GDF1: variants seen among roughly 807,000 people sequenced by gnomAD.
GDF1 encodes growth differentiation factor 1, also known as embryonic growth/differentiation factor 1.
Under a neutral mutation model 7.4 loss-of-function variants are expected in GDF1, and 8 were observed. The ratio of observed to expected loss-of-function variants is 1.09; its 90% CI spans 0.64 to 1.96. The LOEUF is 1.96. Ranked by LOEUF, GDF1 falls within the 30% of genes most tolerant of loss-of-function variation. The pLI is 0.00. For missense variants in GDF1, 574 were observed against 551.5 expected (o/e 1.04, Z -0.41); for synonymous variants, 311 against 276.7 (o/e 1.12, Z -1.23).
intron 1 of GDF1, among the ~76,000 whole-genome samples, chr19:18,894,387 G>A (rs955162282): frequency 6.6e-6 from 1 of 152,144 alleles, no homozygotes. Flanking sequence ...GCTGGAGCCG[G>A]CTCCGGTAAC....
In GDF1 at chr19:18,878,598, C is replaced by T; in HGVS notation, c.-313+332G>A. 8.8e-7 allele frequency: 1 copy of T among 1,133,294 alleles called. No homozygotes were observed. The highest frequency in any genetic ancestry group is 6.1e-5 in the East Asian group (1 of 16,272). The allele number at this position is 1,133,294 out of a possible 1,614,324, so 70.2% of individuals were successfully genotyped here. A position where few individuals can be genotyped will look rare whatever the true frequency, so the allele number is the denominator to read the frequency against. On this transcript the variant is annotated intron_variant, in intron 6 of 7. Coordinates refer to ENST00000247005, the MANE Select transcript of GDF1 (RefSeq NM_001492.6). This position sits in a 1 kb window ranked among gnomAD's most constrained non-coding sequence, Gnocchi z 4.6. ...AGAGGTCGTCATCCAGGCTGGCCAGCAACTACTCCTCACCACCCACAGGGC... is the reference window on the plus strand; with the variant it reads ...AGAGGTCGTCATCCAGGCTGGCCAGTAACTACTCCTCACCACCCACAGGGC...
At position 18,878,855 on chromosome 19, in the gene GDF1, G is replaced by A. The variant is rs2056116982; in HGVS notation, c.-313+75C>T. The A allele has an allele frequency of 1.3e-6, 2 of 1,562,392 alleles. No homozygotes were observed. The highest frequency in any genetic ancestry group is 1.9e-5 in the Admixed American group (1 of 53,550). ...GGCCTCATCTGCTGCTGGGTCTTGG[G>A]GGCCTGCCCACGAACACGCTTGGAC... On this transcript the variant is annotated intron_variant, in intron 6 of 7. Coordinates refer to ENST00000247005, the MANE Select transcript of GDF1 (RefSeq NM_001492.6). This position sits in a 1 kb window ranked among gnomAD's most constrained non-coding sequence, Gnocchi z 4.6.
intron 2 of GDF1, among the ~76,000 whole-genome samples, chr19:18,888,560 G>T (rs2056418311): frequency 6.8e-6 from 1 of 148,100 alleles, no homozygotes; most frequent in Non-Finnish European, 1.5e-5. Context: ...GCTAGGTGCG[G>T]TGGCTCATGC....
rs2055960621 is a variant in GDF1, at chr19:18,871,064, C to T, written c.-312-445G>A. Among the ~76,000 whole-genome samples, 6 of 152,128 alleles carry T rather than the reference C, an allele frequency of 3.9e-5. No homozygotes were observed. In the South Asian group the frequency reaches 1.2e-3, roughly 32 times the overall value. On this transcript the variant is annotated intron_variant, in intron 6 of 7. Coordinates refer to ENST00000247005, the MANE Select transcript of GDF1 (RefSeq NM_001492.6). ...CCCTGGCTGGCATCTGCTGTCTCCA[C>T]CTACTTCCCTTCCATGTTCTTTTAT... is the stretch of plus-strand genomic sequence containing the variant.
chr19:18,889,048 C>T (rs561844968), intron 2 of GDF1, among the ~76,000 whole-genome samples: 8 of 151,790 alleles, frequency 5.3e-5, no homozygotes, highest in East Asian at 2.0e-4. Context: ...TGCATCCCCA[C>T]GCCTGGCTAA....
chr19:18,870,640 A>G lies in GDF1; in HGVS notation c.-312-21T>C. 1.8e-6 allele frequency: 1 copy of G among 543,666 alleles called. No individual in the cohort carries two copies. Among genetic ancestry groups the G allele is most frequent in the Admixed American group, 3.4e-5 (1 of 29,260 alleles). 33.7% of individuals were successfully genotyped at this position (543,666 alleles called of 1,614,324 possible). ...GCTTCCTGGGGGTCAGAACCGGCGC[A>G]GGTTAGCCTGGGAGCCCCACGCGGC... On this transcript the variant is annotated intron_variant, in intron 6 of 7. Coordinates refer to ENST00000247005, the MANE Select transcript of GDF1 (RefSeq NM_001492.6). The surrounding 1 kb of genome is among the most constrained non-coding windows in gnomAD (Gnocchi z 5.1).
At chr19:18,892,984 TCG>T (rs1473341470) in intron 2 of GDF1, among the ~76,000 whole-genome samples, 5 of 143,990 alleles carry the variant, frequency 3.5e-5, no homozygotes, top group South Asian at 2.2e-4. Flanking sequence ...TGGCGCGAAC[TCG>T]GCTCACTGCA....
intron 2 of GDF1, among the ~76,000 whole-genome samples, chr19:18,885,516 T>TTG (rs796442439): frequency 0.14 from 3,825 of 27,582 alleles, 136 homozygotes; most frequent in East Asian, 0.23. Context: ...TTCTCGTTTT[T>TTG]TTTTTTTTTT....
chr19:18,894,892 G>A (rs2056588369), intron 1 of GDF1, among the ~76,000 whole-genome samples: 1 of 152,190 alleles, frequency 6.6e-6, no homozygotes, highest in African/African-American at 2.4e-5. Flanking sequence ...CAGCCAGACG[G>A]GCGGGGTGAC....
chr19:18,895,968 CCGCGCCGCCGCCAG>C lies in GDF1; in HGVS notation c.-1232_-1219del. On this transcript the variant is annotated 5_prime_UTR_variant, in exon 1 of 8. It introduces an in-frame stop codon into an upstream open reading frame of the 5' UTR. Coordinates refer to ENST00000247005, the MANE Select transcript of GDF1 (RefSeq NM_001492.6). The surrounding 1 kb of genome is among the most constrained non-coding windows in gnomAD (Gnocchi z 6.4). Reference sequence around the variant, plus strand: ...GCCCCCAGCCGCAGTCCGTGCAGCCCCGCGCCGCCGCCAGCGCGCTGCCCCAGCCGCGCTGCACT... The same window carrying C: ...GCCCCCAGCCGCAGTCCGTGCAGCCCCGCGCTGCCCCAGCCGCGCTGCACT... 9.4e-7 allele frequency: 1 copy of C among 1,066,232 alleles called. No homozygotes were observed. Among genetic ancestry groups the C allele is most frequent in the Non-Finnish European group, 1.1e-6 (1 of 881,884 alleles). The allele number at this position is 1,066,232 out of a possible 1,614,324, so 66.0% of individuals were successfully genotyped here. A position where few individuals can be genotyped will look rare whatever the true frequency, so the allele number is the denominator to read the frequency against.
At chr19:18,876,627 C>T (rs1487819549) in intron 6 of GDF1, among the ~76,000 whole-genome samples, 7 of 151,768 alleles carry the variant, frequency 4.6e-5, no homozygotes, top group Middle Eastern at 3.4e-3. Flanking sequence ...TCAAGCCATC[C>T]TCCTGCCTTG....
chr19:18,892,616 A>G (rs2056519245), intron 2 of GDF1, among the ~76,000 whole-genome samples: 1 of 152,006 alleles, frequency 6.6e-6, no homozygotes, highest in South Asian at 2.1e-4. Context: ...TCCATCTCAA[A>G]AAAAGAAAAA....
chr19:18,869,947 T>TCCAGGACCAGTGTCC (rs1257085738), intron 7 of GDF1, 36 bp downstream of exon 7: 3 of 1,551,232 alleles, frequency 1.9e-6, no homozygotes, highest in Non-Finnish European at 2.6e-6. Flanking sequence ...AGGTCTGGCC[T>TCCAGGACCAGTGTCC]CCAGGACCAG....
rs2055957339 is a variant in GDF1, at chr19:18,870,873, A to G, written c.-312-254T>C. 6.7e-6 allele frequency among the ~76,000 whole-genome samples: 1 copy of G among 148,596 alleles called. No homozygotes were observed. On this transcript the variant is annotated intron_variant, in intron 6 of 7. Coordinates refer to ENST00000247005, the MANE Select transcript of GDF1 (RefSeq NM_001492.6). This position sits in a 1 kb window ranked among gnomAD's most constrained non-coding sequence, Gnocchi z 5.1. ...ACTTCCTCCTTGCTTCCCCCTCTCC[A>G]ATTAAACCTTCCTCTTCCCCTCCTC...
At chr19:18,872,562 C>A (rs972891520) in intron 6 of GDF1, among the ~76,000 whole-genome samples, 1 of 151,094 alleles carries the variant, frequency 6.6e-6, no homozygotes, top group African/African-American at 2.4e-5. Flanking sequence ...GTCCCCCAGG[C>A]GGGAATGCGG....
chr19:18,890,816 A>C (rs996973413), intron 2 of GDF1, among the ~76,000 whole-genome samples: 4 of 143,974 alleles, frequency 2.8e-5, no homozygotes, highest in Non-Finnish European at 4.5e-5. Flanking sequence ...AGCTAAAGGC[A>C]AGTCCATGCC....
rs2056597880 is a variant in GDF1 at position 18,895,299 on chromosome 19, G to C, written c.-1074+525C>G. On this transcript the variant is annotated intron_variant, in intron 1 of 7. Transcript: ENST00000247005. This position sits in a 1 kb window ranked among gnomAD's most constrained non-coding sequence, Gnocchi z 6.4. ...CCGCCGCACGGACCCAGCAGAAAAC[G>C]GGCAGCGGACCTCGCTCCGGGCCGG... 1.3e-5 allele frequency among the ~76,000 whole-genome samples: 2 copies of C among 152,206 alleles called. No homozygotes were observed. The highest frequency in any genetic ancestry group is 4.1e-4 in the South Asian group (2 of 4,838).
intron 4 of GDF1, 149 bp from the exon 5 acceptor site, chr19:18,879,537 C>T: frequency 1.0e-6 from 1 of 983,598 alleles, no homozygotes. Context: ...TCTGTCCTTC[C>T]CCTCCCCTGC....
At chr19:18,888,294 G>A (rs2056408165) in intron 2 of GDF1, among the ~76,000 whole-genome samples, 1 of 152,048 alleles carries the variant, frequency 6.6e-6, no homozygotes, top group South Asian at 2.1e-4. Flanking sequence ...GGGAGGCAGA[G>A]GTTGCAGTGA....
Sources: gnomAD v4.1 joint callset for allele counts (sites outside exome capture counted in the v4.1 genomes callset) on GRCh38, gnomAD v4.1.1 for gene constraint, Gnocchi (gnomAD v3.1) non-coding constraint, MANE v1.5 for transcripts, NCBI Gene and HGNC (gene_info 2026-07-23, HGNC 2026-07-21) for gene names.